INSRR: variants seen among roughly 807,000 people sequenced by gnomAD.
The protein encoded by INSRR is insulin receptor-related protein.
Under a neutral mutation model 130.0 loss-of-function variants are expected in INSRR, and 114 were observed. That is an observed-to-expected ratio of 0.88 (90% confidence interval 0.75 to 1.02). INSRR has a LOEUF of 1.02. Ranked by LOEUF, INSRR falls within the 50% of genes least tolerant of loss-of-function variation. The pLI, the probability that INSRR is intolerant of heterozygous loss-of-function variation, is 0.00. For synonymous variants in INSRR, 674 were observed against 705.2 expected (o/e 0.96, Z 0.70); for missense variants, 1,657 against 1,735.2 (o/e 0.95, Z 0.80).
intron 17 of INSRR, 135 bp from the exon 18 acceptor site, chr1:156,842,643 T>C (rs1654842623): frequency 1.5e-6 from 1 of 659,592 alleles, no homozygotes; most frequent in Non-Finnish European, 2.7e-6. Context: ...ATAACCTGAC[T>C]CCTGACCTAA....
intron 15 of INSRR, 99 bp from the exon 16 acceptor site, chr1:156,843,578 T>G: frequency 8.1e-7 from 1 of 1,236,190 alleles, no homozygotes; most frequent in Non-Finnish European, 1.2e-6. Context: ...GGAGGGAAGT[T>G]ACTGACCACA....
rs577123952 is a variant in INSRR, at chr1:156,854,596, A to G, written c.86-293T>C. ...CATTCTTGCAGTCAGGCTCCCAACGACTGCAAGCGACTCCCAGCGACTTCA... is the reference window on the plus strand; with the variant it reads ...CATTCTTGCAGTCAGGCTCCCAACGGCTGCAAGCGACTCCCAGCGACTTCA... On this transcript the variant is annotated intron_variant, in intron 1 of 21. Coordinates refer to ENST00000368195, the MANE Select transcript of INSRR (RefSeq NM_014215.3). This position sits in a 1 kb window ranked among gnomAD's most constrained non-coding sequence, Gnocchi z 4.2. Among the ~76,000 whole-genome samples, 10 of 152,122 alleles carry G rather than the reference A, an allele frequency of 6.6e-5. No individual in the cohort carries two copies. Among genetic ancestry groups the G allele is most frequent in the Admixed American group, 6.5e-5 (1 of 15,278 alleles).
chr1:156,857,163 A>ATGTGTGTG (rs57324546), intron 1 of INSRR, among the ~76,000 whole-genome samples: 283 of 130,622 alleles, frequency 2.2e-3, no homozygotes, highest in Middle Eastern at 0.012. Flanking sequence ...GCAGCTGTGT[A>ATGTGTGTG]TGTGTGTGTG....
Position 156,844,777 on chromosome 1 carries a change from C to G in INSRR, c.2504G>C (p.Arg835Pro), listed in dbSNP as rs761731236. The change falls in exon 13 of 22, where the codon CGC (arginine) becomes CCC (proline). Residue 835 changes from arginine to proline, a missense_variant. Coordinates refer to ENST00000368195, the MANE Select transcript of INSRR (RefSeq NM_014215.3). ...GTTGGGGTCTGGTGGCTCGAGCCAGCGCAGAAGGACACTGTTCTTGCTGGA... is the reference window on the plus strand; with the variant it reads ...GTTGGGGTCTGGTGGCTCGAGCCAGGGCAGAAGGACACTGTTCTTGCTGGA... ...EASSKNSVLLRWLEPPDPNGL... is the reference protein window; with the variant it reads ...EASSKNSVLLPWLEPPDPNGL... 1.9e-6 allele frequency: 3 copies of G among 1,614,130 alleles called. No individual in the cohort carries two copies. In the South Asian group the frequency reaches 3.3e-5, roughly 18 times the overall value.
chr1:156,845,459 C>T lies in INSRR; in HGVS notation c.2175-46G>A. 3 of 1,524,396 alleles carry T rather than the reference C, an allele frequency of 2.0e-6. 1 individual carries two copies. The highest frequency in any genetic ancestry group is 2.6e-6 in the Non-Finnish European group (3 of 1,138,630). 94.4% of individuals were successfully genotyped at this position (1,524,396 alleles called of 1,614,324 possible). On this transcript the variant is annotated intron_variant, in intron 10 of 21. Transcript: ENST00000368195. ...CCTATCAGGCCTGTCCGGATGCACC[C>T]CTGTGCCCTCTGCAGCGCGTACCGC...
rs1042109338 is a variant in INSRR, at chr1:156,840,531, C to A, written c.*342G>T. 4 of 337,378 alleles carry A rather than the reference C, an allele frequency of 1.2e-5. No individual in the cohort carries two copies. In the Admixed American group the frequency reaches 1.7e-4, roughly 14 times the overall value. The allele number at this position is 337,378 out of a possible 1,614,324, so 20.9% of individuals were successfully genotyped here. A position where few individuals can be genotyped will look rare whatever the true frequency, so the allele number is the denominator to read the frequency against. ...GCTGGCCCTACCTGTCCAGAGGAGA[C>A]CCCAAACTGAGGGGCAGGGCCTCTA... On this transcript the variant is annotated 3_prime_UTR_variant, in exon 22 of 22. Coordinates refer to ENST00000368195, the MANE Select transcript of INSRR (RefSeq NM_014215.3).
Position 156,843,057 on chromosome 1 carries a change from T to C in INSRR, c.3073A>G (p.Ile1025Val), listed in dbSNP as rs375306298. Reference protein sequence around the residue: ...VNELASPRECIEFLKEASVMK... With the variant: ...VNELASPRECVEFLKEASVMK... ...ACAGAAGCTTCCTTGAGGAACTCAA[T>C]GCATTCCCGTGGGCTGGCCAGCTCA... Residue 1025 changes from isoleucine (I) to valine (V), a missense_variant, in exon 17 of 22, where the codon ATT becomes GTT. Coordinates refer to ENST00000368195, the MANE Select transcript of INSRR (RefSeq NM_014215.3). The C allele has an allele frequency of 1.2e-4, 189 of 1,614,186 alleles. 2 individuals are homozygous for C. The South Asian group carries it at 2.0e-3, about 17-fold the overall frequency.
Position 156,843,112 on chromosome 1 carries a change from C to T in INSRR, c.3018G>A (p.Glu1006=), listed in dbSNP as rs1489691784. Residue 1006 remains glutamate (E), a synonymous_variant, in exon 17 of 22, where the codon GAG becomes GAA. Transcript: ENST00000368195. ...CCGTCTTCAGGGCCACGGGTGTGGA[C>T]TCCTCTCCAGCCTCAAGTCCTCGTG... The part of the protein sequence containing the change: ...GLARGLEAGE[E]STPVALKTVN... 3.1e-6 allele frequency: 5 copies of T among 1,614,164 alleles called. 1 individual carries two copies. The East Asian group carries it at 1.1e-4, about 36-fold the overall frequency.
Position 156,845,072 on chromosome 1 carries a change from C to A in INSRR, c.2437+4G>T. On this transcript the variant is annotated splice_donor_region_variant and intron_variant, in intron 12 of 21. Transcript: ENST00000368195. ...GGTAGAAGGTGTGTGTGTGGATCAC[C>A]TACTGTGGGGCATGGTGCGCGCAAA... The A allele has an allele frequency of 6.2e-7, 1 of 1,602,784 alleles. No homozygotes were observed. Among genetic ancestry groups the A allele is most frequent in the Non-Finnish European group, 8.5e-7 (1 of 1,175,502 alleles).
At chr1:156,852,275 C>T (rs1571670763) in intron 2 of INSRR, 84 bp from the exon 3 acceptor site, 1 of 1,348,078 alleles carries the variant, frequency 7.4e-7, no homozygotes, top group East Asian at 2.4e-5. Context: ...CCCTGTTTCT[C>T]TTGGGATGAC....
At position 156,851,698 on chromosome 1, in the gene INSRR, A is replaced by T. The variant is rs1229398714; in HGVS notation, c.1032T>A (p.Leu344=). ...TTCCCTCCACATGCGTGCAGCCCAC[A>T]AGATCCTGTGCCGCCTGGATGGAGT... ...TIDSIQAAQD[L]VGCTHVEGSL... Residue 344 remains leucine, a synonymous_variant, in exon 4 of 22, where the codon CTT becomes CTA. Coordinates refer to ENST00000368195, the MANE Select transcript of INSRR (RefSeq NM_014215.3). 6.2e-6 allele frequency: 10 copies of T among 1,614,082 alleles called. No individual in the cohort carries two copies. The highest frequency in any genetic ancestry group is 8.5e-6 in the Non-Finnish European group (10 of 1,180,022).
Position 156,850,534 on chromosome 1 carries a change from C to CTTT in INSRR, c.1229+753_1229+755dup, listed in dbSNP as rs35237064. 8.5e-3 allele frequency among the ~76,000 whole-genome samples: 499 copies of CTTT among 58,656 alleles called. 22 individuals are homozygous for CTTT. Among genetic ancestry groups the CTTT allele is most frequent in the Non-Finnish European group, 0.011 (301 of 28,190 alleles). The allele number at this position is 58,656 out of a possible 152,430, so 38.5% of individuals were successfully genotyped here. A position where few individuals can be genotyped will look rare whatever the true frequency, so the allele number is the denominator to read the frequency against. On this transcript the variant is annotated intron_variant, in intron 5 of 21. Coordinates refer to ENST00000368195, the MANE Select transcript of INSRR (RefSeq NM_014215.3). ...GACCTGGATGGTAATTTAAAACATTCTTTTTTTTTTTTTTTTTTTTTTTTT... is the reference window on the plus strand; with the variant it reads ...GACCTGGATGGTAATTTAAAACATTCTTTTTTTTTTTTTTTTTTTTTTTTTTTT...
At position 156,849,059 on chromosome 1, in the gene INSRR, G is replaced by T; in HGVS notation, c.1445-12C>A. On this transcript the variant is annotated splice_polypyrimidine_tract_variant and intron_variant, in intron 6 of 21. Transcript: ENST00000368195. ...GGTGCGAGTCTGGCCTGGGTGGGGC[G>T]AGGGGCCTGCTCGCAACCGCGCCTG... 6.2e-7 allele frequency: 1 copy of T among 1,610,986 alleles called. No individual in the cohort carries two copies.
chr1:156,849,054 G>C lies in INSRR; in HGVS notation c.1445-7C>G. 6.2e-7 allele frequency: 1 copy of C among 1,611,432 alleles called. No homozygotes were observed. The highest frequency in any genetic ancestry group is 8.5e-7 in the Non-Finnish European group (1 of 1,179,038). On this transcript the variant is annotated splice_polypyrimidine_tract_variant and splice_region_variant and intron_variant, in intron 6 of 21. Coordinates refer to ENST00000368195, the MANE Select transcript of INSRR (RefSeq NM_014215.3). ...CGCAGGGTGCGAGTCTGGCCTGGGT[G>C]GGGCGAGGGGCCTGCTCGCAACCGC...
chr1:156,848,100 ACT>A (rs1419915705), intron 7 of INSRR, among the ~76,000 whole-genome samples: 1 of 151,124 alleles, frequency 6.6e-6, no homozygotes, highest in East Asian at 1.9e-4. Context: ...TATTTAACAA[ACT>A]CTCCAGCTGC....
intron 15 of INSRR, 58 bp from the exon 16 acceptor site, chr1:156,843,537 A>G: frequency 3.9e-6 from 6 of 1,524,736 alleles, no homozygotes; most frequent in Admixed American, 1.7e-5. Context: ...AATGAGCAAC[A>G]TCAGAAGAAG....
chr1:156,843,200 T>C lies in INSRR; in HGVS notation c.2930A>G (p.Glu977Gly), dbSNP rs759627325. 10 of 1,614,012 alleles carry C rather than the reference T, an allele frequency of 6.2e-6. No homozygotes were observed. Among genetic ancestry groups the C allele is most frequent in the East Asian group, 2.2e-5 (1 of 44,876 alleles). The change falls in exon 17 of 22, where the codon GAG (glutamate) becomes GGG (glycine). Residue 977 changes from glutamate (E) to glycine (G), a missense_variant. Physicochemically the swap from Glu to Gly is moderately conservative, Grantham distance 98. Transcript: ENST00000368195. ...CAGTTCCCGGATTATCGAGATCTGC[T>C]CCCGAGGCACCTCCCATTCATCAGG... is the stretch of plus-strand genomic sequence containing the variant. The part of the protein sequence containing the change: ...YVPDEWEVPR[E>G]QISIIRELGQ...
Position 156,858,738 on chromosome 1 carries a change from G to A in INSRR, c.-117C>T. 1 of 800,554 alleles carries A rather than the reference G, an allele frequency of 1.2e-6. No homozygotes were observed. The highest frequency in any genetic ancestry group is 2.2e-6 in the Non-Finnish European group (1 of 464,168). 49.6% of individuals were successfully genotyped at this position (800,554 alleles called of 1,614,324 possible). On this transcript the variant is annotated 5_prime_UTR_variant, in exon 1 of 22. Transcript: ENST00000368195. ...GGGTTCAGATAGGAGAGGGAGGGCAGGGGCAGAGAGACAAGGAATCCCACA... is the reference window on the plus strand; with the variant it reads ...GGGTTCAGATAGGAGAGGGAGGGCAAGGGCAGAGAGACAAGGAATCCCACA...
rs62640942 is a variant in INSRR at position 156,854,122 on chromosome 1, G to A, written c.267C>T (p.Tyr89=). Residue 89 remains tyrosine, a synonymous_variant, in exon 2 of 22, where the codon TAC becomes TAT. Coordinates refer to ENST00000368195, the MANE Select transcript of INSRR (RefSeq NM_014215.3). The surrounding 1 kb of genome is among the most constrained non-coding windows in gnomAD (Gnocchi z 4.2). The part of the protein sequence containing the change: ...VTDYLLLFRV[Y]GLESLRDLFP... ...AGAGGTCGCGCAGGCTCTCCAGTCC[G>A]TAGACACGGAAGAGCAGCAGGTAGT... is the stretch of plus-strand genomic sequence containing the variant. 2.6e-4 allele frequency: 416 copies of A among 1,614,024 alleles called. 2 individuals are homozygous for A. The highest frequency in any genetic ancestry group is 8.2e-4 in the Middle Eastern group (5 of 6,084).
Sources: allele counts gnomAD v4.1 joint callset (sites outside exome capture counted in the v4.1 genomes callset), GRCh38; gene constraint gnomAD v4.1.1; non-coding constraint Gnocchi (gnomAD v3.1); transcripts MANE v1.5; gene names NCBI Gene and HGNC (gene_info 2026-07-23, HGNC 2026-07-21).